Variants in OSGIN1 observed in about 807,000 individuals in gnomAD.
OSGIN1 encodes oxidative stress induced growth inhibitor 1.
A neutral mutation model predicts 20.1 loss-of-function variants in OSGIN1; 19 were observed. The observed-to-expected ratio is 0.95, with a 90% confidence interval of 0.66 to 1.39. OSGIN1 has a LOEUF of 1.39. OSGIN1 is among the 40% of genes most tolerant of loss of function. OSGIN1 has a pLI of 0.00. For synonymous variants in OSGIN1, 368 were observed against 297.8 expected (o/e 1.24, Z -2.43); for missense variants, 820 against 653.0 (o/e 1.26, Z -2.79).
intron 2 of OSGIN1, among the ~76,000 whole-genome samples, chr16:83,958,919 C>T (rs1379420606): frequency 1.3e-5 from 2 of 152,182 alleles, no homozygotes; most frequent in African/African-American, 4.8e-5. Flanking sequence ...ACCTTCCGGC[C>T]GTGTGACCAC....
At chr16:83,960,337 C>G (rs1453062470) in intron 3 of OSGIN1, among the ~76,000 whole-genome samples, 1 of 152,184 alleles carries the variant, frequency 6.6e-6, no homozygotes, top group Non-Finnish European at 1.5e-5. Context: ...CAGGCAATCG[C>G]TCCAGTCTCA....
In OSGIN1 at chr16:83,965,770, C is replaced by G. The variant is rs1392426352; in HGVS notation, c.1197C>G (p.His399Gln). 1.2e-6 allele frequency: 2 copies of G among 1,613,244 alleles called. No individual in the cohort carries two copies. Among genetic ancestry groups the G allele is most frequent in the South Asian group, 1.1e-5 (1 of 91,066 alleles). ...TGGTGCTGGTCCTCATCGGCTCCCA[C>G]CCCGACCTCTCCTTCCTGCCTGGGG... ...VSLVLVLIGS[H>Q]PDLSFLPGAG... The change falls in exon 6 of 6, where the codon CAC becomes CAG. Residue 399 changes from histidine to glutamine, a missense_variant. His to Gln is a conservative substitution (Grantham distance 24). Coordinates refer to ENST00000393306, the MANE Select transcript of OSGIN1 (RefSeq NM_182981.3).
chr16:83,955,381 C>T (rs1908878583), intron 1 of OSGIN1, among the ~76,000 whole-genome samples: 2 of 152,158 alleles, frequency 1.3e-5, no homozygotes, highest in Non-Finnish European at 2.9e-5. Context: ...AAGTGGGGGA[C>T]CCTGGAACGG....
intron 5 of OSGIN1, among the ~76,000 whole-genome samples, chr16:83,963,484 C>G (rs1490264952): frequency 6.6e-6 from 1 of 152,138 alleles, no homozygotes; most frequent in Non-Finnish European, 1.5e-5. Flanking sequence ...ATGGCACTGC[C>G]AAGGTTACCC....
At chr16:83,956,145 AGTT>A (rs999736730) in intron 1 of OSGIN1, among the ~76,000 whole-genome samples, 17 of 152,276 alleles carry the variant, frequency 1.1e-4, no homozygotes, top group African/African-American at 4.1e-4. Flanking sequence ...TGAGAAGGTC[AGTT>A]GTTGTCACTG....
intron 5 of OSGIN1, among the ~76,000 whole-genome samples, chr16:83,961,507 G>T (rs1206444631): frequency 6.6e-6 from 1 of 152,164 alleles, no homozygotes; most frequent in African/African-American, 2.4e-5. Context: ...GTGGCCCTCA[G>T]CAGTTCTCAG....
At position 83,957,636 on chromosome 16, in the gene OSGIN1, C is replaced by T; in HGVS notation, c.-32-4C>T. 6.6e-7 allele frequency: 1 copy of T among 1,523,328 alleles called. No homozygotes were observed. Among genetic ancestry groups the T allele is most frequent in the Non-Finnish European group, 9.0e-7 (1 of 1,110,818 alleles). The allele number at this position is 1,523,328 out of a possible 1,614,324, so 94.4% of individuals were successfully genotyped here. A position where few individuals can be genotyped will look rare whatever the true frequency, so the allele number is the denominator to read the frequency against. ...ACTCTTCCTTCCCCTCTCCCCCACT[C>T]CAGGTCCGCTGCCAGCCCCAAGCCC... On this transcript the variant is annotated splice_polypyrimidine_tract_variant and splice_region_variant and intron_variant, in intron 1 of 5. Transcript: ENST00000393306.
rs1909159504 is a variant in OSGIN1, at chr16:83,960,604, A to T, written c.240A>T (p.Arg80=). The T allele has an allele frequency of 6.2e-7, 1 of 1,613,288 alleles. No individual in the cohort carries two copies. Among genetic ancestry groups the T allele is most frequent in the African/African-American group, 1.3e-5 (1 of 74,916 alleles). The change falls in exon 4 of 6, where the codon CGA becomes CGT. Residue 80 remains arginine (R), a synonymous_variant. Coordinates refer to ENST00000393306, the MANE Select transcript of OSGIN1 (RefSeq NM_182981.3). ...ACCTGTCCGAAGGCCTCGAAGGCCG[A>T]TCCCAAAGCCCCGTGGCCCTGCTCT... ...LDYLSEGLEG[R]SQSPVALLFD... is the part of the protein sequence containing the mutation.
Position 83,965,180 on chromosome 16 carries a change from T to C in OSGIN1, c.607T>C (p.Trp203Arg). The C allele has an allele frequency of 1.2e-6, 2 of 1,613,102 alleles. No homozygotes were observed. The highest frequency in any genetic ancestry group is 1.7e-6 in the Non-Finnish European group (2 of 1,179,922). ...VSGAVVTAVE[W>R]GTPDPSSCGA... ...CGGTGCTGTAGTCACAGCCGTGGAG[T>C]GGGGGACCCCCGATCCCAGCAGCTG... Residue 203 changes from tryptophan (W) to arginine (R), a missense_variant, in exon 6 of 6, where the codon TGG (tryptophan) becomes CGG (arginine). Coordinates refer to ENST00000393306, the MANE Select transcript of OSGIN1 (RefSeq NM_182981.3).
At chr16:83,961,221 G>A in intron 5 of OSGIN1, 149 bp downstream of exon 5, 1 of 626,808 alleles carries the variant, frequency 1.6e-6, no homozygotes, top group Non-Finnish European at 2.8e-6. Flanking sequence ...CTAATGACAT[G>A]TGCCCAAGGT....
Position 83,961,067 on chromosome 16 carries a change from G to A in OSGIN1, c.483G>A (p.Lys161=). Residue 161 remains lysine, a synonymous_variant, in exon 5 of 6, where the codon AAG becomes AAA. Transcript: ENST00000393306. ...AGGTCAAGGACTGGATGCAGAAGAA[G>A]CGAAGGTGAGGCCGCCCCGGAACGC... The part of the protein sequence containing the change: ...DLEVKDWMQK[K]RRGLRNSRAT... 3 of 1,613,238 alleles carry A rather than the reference G, an allele frequency of 1.9e-6. No individual in the cohort carries two copies. The highest frequency in any genetic ancestry group is 2.5e-6 in the Non-Finnish European group (3 of 1,179,770).
Position 83,960,703 on chromosome 16 carries a change from G to A in OSGIN1, c.339G>A (p.Lys113=). The A allele has an allele frequency of 1.2e-6, 2 of 1,613,578 alleles. No individual in the cohort carries two copies. The highest frequency in any genetic ancestry group is 2.2e-5 in the East Asian group (1 of 44,876). ...MKSVLTWKHR[K]EHAIPHVVLG... is the part of the protein sequence containing the mutation. Reference sequence around the variant, plus strand: ...CGGTCCTCACCTGGAAGCACCGGAAGGAGCACGCCATCCCCCACGTGGTTC... The same window carrying A: ...CGGTCCTCACCTGGAAGCACCGGAAAGAGCACGCCATCCCCCACGTGGTTC... The change falls in exon 4 of 6, where the codon AAG becomes AAA. Residue 113 remains lysine, a synonymous_variant. Coordinates refer to ENST00000393306, the MANE Select transcript of OSGIN1 (RefSeq NM_182981.3).
At chr16:83,953,762 C>T (rs557298343) in intron 1 of OSGIN1, among the ~76,000 whole-genome samples, 168 of 152,220 alleles carry the variant, frequency 1.1e-3, no homozygotes, top group African/African-American at 3.9e-3. Context: ...TTCTGCTTCT[C>T]CTGCTCAGGA....
At chr16:83,954,318 A>C (rs1309465106) in intron 1 of OSGIN1, 2 of 152,372 alleles carry the variant, frequency 1.3e-5, no homozygotes, top group Middle Eastern at 3.4e-3. Context: ...AATGCCGCAC[A>C]CTTGAAAGAA....
intron 5 of OSGIN1, among the ~76,000 whole-genome samples, chr16:83,962,658 G>C (rs1008539732): frequency 2.0e-5 from 3 of 152,240 alleles, no homozygotes; most frequent in African/African-American, 7.2e-5. Context: ...ACGTTAGGGA[G>C]ACTTGAGACA....
chr16:83,961,030 T>C lies in OSGIN1; in HGVS notation c.446T>C (p.Leu149Pro), dbSNP rs369025642. Residue 149 changes from leucine to proline, a missense_variant, in exon 5 of 6, where the codon CTC becomes CCC. Transcript: ENST00000393306. ...VILSQGQWMG[L>P]PDLEVKDWMQ... ...CTGAGCCAAGGCCAGTGGATGGGGC[T>C]CCCGGACCTGGAGGTCAAGGACTGG... The C allele has an allele frequency of 6.2e-7, 1 of 1,613,314 alleles. No homozygotes were observed. Among genetic ancestry groups the C allele is most frequent in the Non-Finnish European group, 8.5e-7 (1 of 1,180,000 alleles).
intron 5 of OSGIN1, among the ~76,000 whole-genome samples, chr16:83,962,877 C>T (rs1250984562): frequency 6.6e-6 from 1 of 152,180 alleles, no homozygotes; most frequent in African/African-American, 2.4e-5. Flanking sequence ...GGCAGCTTTG[C>T]CCTAGGCAGT....
At chr16:83,960,440 T>A (rs2151077098) in intron 3 of OSGIN1, 129 bp from the exon 4 acceptor site, 3 of 697,270 alleles carry the variant, frequency 4.3e-6, no homozygotes, top group Non-Finnish European at 7.3e-6. Flanking sequence ...AGGGTGCGCA[T>A]CTCTCTGAGA....
intron 1 of OSGIN1, among the ~76,000 whole-genome samples, chr16:83,955,007 C>T (rs531761548): frequency 1.3e-5 from 2 of 152,292 alleles, no homozygotes; most frequent in South Asian, 2.1e-4. Flanking sequence ...TCAGTTCCAT[C>T]GCCCACCGGC....
Sources: gnomAD v4.1 joint callset for allele counts (sites outside exome capture counted in the v4.1 genomes callset) on GRCh38, gnomAD v4.1.1 for gene constraint, MANE v1.5 for transcripts, NCBI Gene and HGNC (gene_info 2026-07-23, HGNC 2026-07-21) for gene names.